Variants in KANK1 observed in about 807,000 individuals in gnomAD.
The protein encoded by KANK1 is KN motif and ankyrin repeat domains 1, also known as KN motif and ankyrin repeat domain-containing protein 1.
In KANK1, 109 loss-of-function variants were observed where a neutral mutation model predicts 106.2. That is an observed-to-expected ratio of 1.03 (90% confidence interval 0.88 to 1.20). The LOEUF (loss-of-function observed/expected upper bound fraction) is 1.20, where lower values mean the gene tolerates loss of function less well. KANK1 is among the 50% of genes most tolerant of loss of function. The pLI is 0.00. For synonymous variants in KANK1, 873 were observed against 652.2 expected (o/e 1.34, Z -5.16); for missense variants, 2,399 against 1,710.7 (o/e 1.40, Z -7.10).
chr9:535,699 G>T (rs150499999), intron 1 of KANK1, among the ~76,000 whole-genome samples: 212 of 152,356 alleles, frequency 1.4e-3, no homozygotes, highest in African/African-American at 4.7e-3. Flanking sequence ...GTGCACAGTA[G>T]GCAGCAAATG....
At chr9:554,352 A>C (rs1366321679) in intron 1 of KANK1, among the ~76,000 whole-genome samples, 3 of 152,196 alleles carry the variant, frequency 2.0e-5, no homozygotes, top group African/African-American at 7.2e-5. Flanking sequence ...GCAGAGAGCA[A>C]GTATTTGCCT....
At chr9:587,525 T>G (rs1267124766) in intron 1 of KANK1, among the ~76,000 whole-genome samples, 1 of 152,160 alleles carries the variant, frequency 6.6e-6, no homozygotes, top group Non-Finnish European at 1.5e-5. Flanking sequence ...AATAGAGAGT[T>G]TAAATCAAAA....
chr9:689,460 G>A (rs141254873), intron 2 of KANK1, among the ~76,000 whole-genome samples: 116 of 152,258 alleles, frequency 7.6e-4, no homozygotes, highest in African/African-American at 2.6e-3. Context: ...CTCCCCTCAT[G>A]TTAAGTCTTC....
At chr9:488,074 A>G (rs997792642) in intron 3 of KANK1, among the ~76,000 whole-genome samples, 5 of 152,204 alleles carry the variant, frequency 3.3e-5, no homozygotes, top group East Asian at 1.9e-4. Flanking sequence ...TCTTTGGTCC[A>G]TATTCATTCT....
intron 3 of KANK1, among the ~76,000 whole-genome samples, chr9:485,352 T>C (rs1185998745): frequency 6.6e-6 from 1 of 152,244 alleles, no homozygotes; most frequent in Non-Finnish European, 1.5e-5. Flanking sequence ...CCATTTAAAG[T>C]ATACAATTCA....
At chr9:673,556 T>G (rs893703863) in intron 1 of KANK1, 17 of 152,178 alleles carry the variant, frequency 1.1e-4, no homozygotes, top group African/African-American at 4.1e-4. Context: ...AGTTCCTAAT[T>G]TTAGGCTTCC....
At chr9:660,021 CT>C in intron 1 of KANK1, 1 of 319,428 alleles carries the variant, frequency 3.1e-6, no homozygotes, top group South Asian at 3.2e-5. Context: ...CTTTCCACCC[CT>C]TTGCTGATAC....
At chr9:511,042 T>C (rs2059007465) in intron 1 of KANK1, among the ~76,000 whole-genome samples, 3 of 152,148 alleles carry the variant, frequency 2.0e-5, no homozygotes, top group Admixed American at 2.0e-4. Flanking sequence ...GAATGTATAA[T>C]GATGCAAAAT....
At chr9:639,845 T>G (rs933082818) in intron 1 of KANK1, among the ~76,000 whole-genome samples, 1 of 152,194 alleles carries the variant, frequency 6.6e-6, no homozygotes, top group African/African-American at 2.4e-5. Flanking sequence ...TCCTCAAGGA[T>G]AGTGCCTTCT....
chr9:545,878 TG>T (rs1211429629), intron 1 of KANK1, among the ~76,000 whole-genome samples: 1 of 152,042 alleles, frequency 6.6e-6, no homozygotes, highest in Non-Finnish European at 1.5e-5. Flanking sequence ...CCCAAGTAGC[TG>T]GGATTACAGG....
chr9:630,457 G>A (rs950851979), intron 1 of KANK1, among the ~76,000 whole-genome samples: 32 of 150,968 alleles, frequency 2.1e-4, no homozygotes, highest in South Asian at 4.2e-4. Context: ...AGGCTGAGGC[G>A]GGAGAATGGC....
Position 712,785 on chromosome 9 carries a change from T to C in KANK1, c.2019T>C (p.Thr673=), listed in dbSNP as rs757221798. 1 of 1,613,778 alleles carries C rather than the reference T, an allele frequency of 6.2e-7. No individual in the cohort carries two copies. The highest frequency in any genetic ancestry group is 1.7e-5 in the Admixed American group (1 of 59,972). ...TGCCTCGTACTGCAGACCAGGACAC[T>C]AGCACAGATTTGGAACAGGTGCACC... ...MAVPRTADQD[T]STDLEQVHQF... is the part of the protein sequence containing the mutation. Residue 673 remains threonine (T), a synonymous_variant, in exon 3 of 12, where the codon ACT becomes ACC. Transcript: ENST00000382297.
intron 2 of KANK1, among the ~76,000 whole-genome samples, chr9:701,224 C>T (rs1822577284): frequency 6.6e-6 from 1 of 152,138 alleles, no homozygotes; most frequent in African/African-American, 2.4e-5. Context: ...AGCAATTTTC[C>T]TGCCTCAGCC....
rs186910335 is a variant in KANK1 at position 554,451 on chromosome 9, C to G, written c.-84+49697C>G. Among the ~76,000 whole-genome samples the G allele has an allele frequency of 9.6e-4, 147 of 152,338 alleles. No individual in the cohort carries two copies. In the East Asian group the frequency reaches 0.017, roughly 18 times the overall value. ...AGCATCCATGTTGGCGGTCTTAACCCTTTTCCCACTTAGAAAAAAAGTGCG... is the reference window on the plus strand; with the variant it reads ...AGCATCCATGTTGGCGGTCTTAACCGTTTTCCCACTTAGAAAAAAAGTGCG... On this transcript the variant is annotated intron_variant, in intron 1 of 11. Coordinates refer to ENST00000382297, the MANE Select transcript of KANK1 (RefSeq NM_015158.5).
Position 711,341 on chromosome 9 carries a change from C to T in KANK1, c.575C>T (p.Thr192Ile), listed in dbSNP as rs371323213. Residue 192 changes from threonine (T) to isoleucine (I), a missense_variant, in exon 3 of 12, where the codon ACC becomes ATC. By Grantham distance (89) the Thr-to-Ile change is moderately conservative. Transcript: ENST00000382297. ...PRLASFGGMG[T>I]TSSLPSFVGS... ...CTGGCCAGTTTTGGAGGCATGGGCA[C>T]CACAAGCTCCCTCCCTTCTTTTGTG... 1.9e-6 allele frequency: 3 copies of T among 1,614,020 alleles called. No individual in the cohort carries two copies. Among genetic ancestry groups the T allele is most frequent in the Non-Finnish European group, 2.5e-6 (3 of 1,180,036 alleles).
rs551909494 is a variant in KANK1, at chr9:670,047, T to C, written c.-83-6843T>C. On this transcript the variant is annotated intron_variant, in intron 1 of 11. Transcript: ENST00000382297. ...CAATAAATTTTTCAGTTAGCAAATA[T>C]ATTTTTCAATTTCAAGATTCGTTTG... is the stretch of plus-strand genomic sequence containing the variant. Among the ~76,000 whole-genome samples, 29 of 152,354 alleles carry C rather than the reference T, an allele frequency of 1.9e-4. No homozygotes were observed. In the South Asian group the frequency reaches 5.8e-3, roughly 30 times the overall value.
chr9:597,132 G>C (rs1241719816), intron 1 of KANK1, among the ~76,000 whole-genome samples: 1 of 151,876 alleles, frequency 6.6e-6, no homozygotes, highest in Non-Finnish European at 1.5e-5. Flanking sequence ...TCTGTTGATA[G>C]ATTTTTGATT....
chr9:577,928 C>T lies in KANK1; in HGVS notation c.-84+73174C>T, dbSNP rs1389895552. Among the ~76,000 whole-genome samples the T allele has an allele frequency of 3.3e-5, 5 of 152,148 alleles. No individual in the cohort carries two copies. In the East Asian group the frequency reaches 7.7e-4, roughly 23 times the overall value. On this transcript the variant is annotated intron_variant, in intron 1 of 11. Coordinates refer to ENST00000382297, the MANE Select transcript of KANK1 (RefSeq NM_015158.5). Reference sequence around the variant, plus strand: ...GCACCCTGAAGCTCACAATGGCATCCTGCAAAGCCCCAAAGAGTGCTAGTT... The same window carrying T: ...GCACCCTGAAGCTCACAATGGCATCTTGCAAAGCCCCAAAGAGTGCTAGTT...
chr9:534,204 C>T (rs1358581590), intron 1 of KANK1, among the ~76,000 whole-genome samples: 1 of 152,154 alleles, frequency 6.6e-6, no homozygotes, highest in Non-Finnish European at 1.5e-5. Context: ...TAGACTGACC[C>T]AACTTGTGGA....
Sources: gnomAD v4.1 joint callset for allele counts (sites outside exome capture counted in the v4.1 genomes callset) on GRCh38, gnomAD v4.1.1 for gene constraint, MANE v1.5 for transcripts, NCBI Gene and HGNC (gene_info 2026-07-23, HGNC 2026-07-21) for gene names.